The following USH2A variants were observed in gnomAD, a reference collection of about 807,000 sequenced individuals.
USH2A encodes the protein Usher syndrome 2A (autosomal recessive, mild).
Under a neutral mutation model 538.9 loss-of-function variants are expected in USH2A, and 443 were observed. That is an observed-to-expected ratio of 0.82 (90% CI 0.76 to 0.89). The LOEUF (loss-of-function observed/expected upper bound fraction) is 0.89. USH2A is among the 40% of genes least tolerant of loss of function. USH2A has a pLI of 0.00. For synonymous variants in USH2A, 2,413 were observed against 2,273.5 expected, an observed-to-expected ratio of 1.06 and a Z score of -1.75; for missense variants, 6,633 against 6,324.8, an observed-to-expected ratio of 1.05 and a Z score of -1.65.
chr1:215,742,401 A>T (rs954423549), intron 59 of USH2A, among the ~76,000 whole-genome samples: 2 of 152,064 alleles, frequency 1.3e-5, no homozygotes, highest in Admixed American at 6.6e-5. Flanking sequence ...ATTATACGTT[A>T]TATAACATAT....
intron 67 of USH2A, among the ~76,000 whole-genome samples, 174 bp from the exon 68 acceptor site, chr1:215,640,908 G>A (rs868461290): frequency 2.8e-5 from 4 of 144,130 alleles, no homozygotes; most frequent in Middle Eastern, 3.9e-3. Flanking sequence ...TCAGTATTAC[G>A]AAACAACCAG....
At chr1:216,068,233 T>C (rs764549579) in intron 30 of USH2A, among the ~76,000 whole-genome samples, 1 of 152,184 alleles carries the variant, frequency 6.6e-6, no homozygotes, top group Non-Finnish European at 1.5e-5. Flanking sequence ...TGAGCTTAGA[T>C]ACTTCATGCT....
Position 215,865,320 on chromosome 1 carries a change from C to G in USH2A, c.8845+1687G>C, listed in dbSNP as rs76049009. Among the ~76,000 whole-genome samples, 602 of 152,268 alleles carry G rather than the reference C, an allele frequency of 4.0e-3. 4 individuals carry two copies. Among genetic ancestry groups the G allele is most frequent in the African/African-American group, 0.014 (571 of 41,540 alleles). On this transcript the variant is annotated intron_variant, in intron 44 of 71. Coordinates refer to ENST00000307340, the MANE Select transcript of USH2A (RefSeq NM_206933.4). ...AACAGCAGATTGCATTACCTACATC[C>G]CGAAGGTCAGAGGTTCAGATTACCA...
At chr1:215,802,172 C>T (rs570169567) in intron 49 of USH2A, among the ~76,000 whole-genome samples, 52 of 151,708 alleles carry the variant, frequency 3.4e-4, no homozygotes, top group Middle Eastern at 3.4e-3. Flanking sequence ...AATTCTTAGA[C>T]GAAAGCAAAG....
intron 4 of USH2A, among the ~76,000 whole-genome samples, chr1:216,327,906 G>A (rs1338088110): frequency 2.6e-5 from 4 of 151,966 alleles, no homozygotes; most frequent in Admixed American, 6.6e-5. Flanking sequence ...TTTACTGATC[G>A]AACTCATGGC....
chr1:216,085,024 C>G (rs2032084518), intron 24 of USH2A, 147 bp from the exon 25 acceptor site: 1 of 724,172 alleles, frequency 1.4e-6, no homozygotes. Flanking sequence ...ATGTAAACAC[C>G]ACACCATCAG....
At chr1:215,858,901 T>G (rs1434612367) in intron 44 of USH2A, among the ~76,000 whole-genome samples, 4 of 152,144 alleles carry the variant, frequency 2.6e-5, no homozygotes, top group Non-Finnish European at 5.9e-5. Flanking sequence ...CAACAGAAAC[T>G]TATTTCTCAC....
chr1:216,037,433 C>T (rs948450920), intron 32 of USH2A, among the ~76,000 whole-genome samples: 3 of 152,120 alleles, frequency 2.0e-5, no homozygotes, highest in African/African-American at 7.2e-5. Context: ...ATGACCTTTG[C>T]TCTTGACTGG....
chr1:216,355,785 C>T (rs1302570466), intron 4 of USH2A, among the ~76,000 whole-genome samples: 1 of 152,058 alleles, frequency 6.6e-6, no homozygotes, highest in Non-Finnish European at 1.5e-5. Context: ...CTAAACTGGA[C>T]TTTTTTTCTC....
At chr1:215,704,044 C>T (rs1055727441) in intron 61 of USH2A, among the ~76,000 whole-genome samples, 2 of 152,214 alleles carry the variant, frequency 1.3e-5, no homozygotes, top group Non-Finnish European at 2.9e-5. Context: ...CACAGTCCCT[C>T]AAGGCTTCCT....
At chr1:215,952,942 C>A (rs1190833208) in intron 37 of USH2A, among the ~76,000 whole-genome samples, 1 of 152,144 alleles carries the variant, frequency 6.6e-6, no homozygotes, top group Non-Finnish European at 1.5e-5. Flanking sequence ...AGAGCCAAAT[C>A]ATGAGTGAAA....
intron 21 of USH2A, among the ~76,000 whole-genome samples, chr1:216,148,463 T>A (rs1484096787): frequency 6.6e-6 from 1 of 152,038 alleles, no homozygotes; most frequent in Non-Finnish European, 1.5e-5. Flanking sequence ...CTCTACTCCC[T>A]CCTTGGTGAC....
At position 216,166,498 on chromosome 1, in the gene USH2A, G is replaced by C. The variant is rs996373465; in HGVS notation, c.4627+8754C>G. On this transcript the variant is annotated intron_variant, in intron 21 of 71. Transcript: ENST00000307340. ...TGCCAATAAAAATAATTCGTTTGAA[G>C]AACAGCCTGGAGAAGATTGAAACTG... Among the ~76,000 whole-genome samples the C allele has an allele frequency of 4.6e-5, 7 of 152,260 alleles. No homozygotes were observed. In the East Asian group the frequency reaches 1.4e-3, roughly 29 times the overall value.
intron 32 of USH2A, among the ~76,000 whole-genome samples, chr1:216,010,016 G>A (rs1668518828): frequency 2.0e-5 from 3 of 152,106 alleles, no homozygotes; most frequent in African/African-American, 4.8e-5. Context: ...TCAAAAGGCT[G>A]TCTTATACTC....
chr1:216,184,504 C>G (rs2034558244), intron 20 of USH2A, among the ~76,000 whole-genome samples: 1 of 151,806 alleles, frequency 6.6e-6, no homozygotes, highest in Non-Finnish European at 1.5e-5. Flanking sequence ...TCCTTTTTAG[C>G]ATGGAGCAGA....
intron 18 of USH2A, among the ~76,000 whole-genome samples, chr1:216,197,458 C>G (rs1474759478): frequency 6.6e-6 from 1 of 152,102 alleles, no homozygotes; most frequent in Non-Finnish European, 1.5e-5. Context: ...AATGCCATGC[C>G]TCATCACTTG....
chr1:215,639,267 C>A, intron 68 of USH2A, 29 bp from the exon 69 acceptor site: 2 of 1,609,706 alleles, frequency 1.2e-6, no homozygotes, highest in Non-Finnish European at 1.7e-6. Context: ...TGGTAAATGA[C>A]TTGTTCATTC....
In USH2A at chr1:215,680,177, T is replaced by A; in HGVS notation, c.12266A>T (p.Glu4089Val). ...NGRALLLQWS[E>V]PMRTNGVIKT... ...AATCACACCATTGGTTCTCATAGGT[T>A]CTGACCACTGTAGTAGCAATGCCCG... The change falls in exon 62 of 72, where the codon GAA becomes GTA. Residue 4089 changes from glutamate to valine, a missense_variant. Coordinates refer to ENST00000307340, the MANE Select transcript of USH2A (RefSeq NM_206933.4). The A allele has an allele frequency of 6.2e-7, 1 of 1,614,176 alleles. No individual in the cohort carries two copies. Among genetic ancestry groups the A allele is most frequent in the Non-Finnish European group, 8.5e-7 (1 of 1,180,014 alleles).
intron 21 of USH2A, among the ~76,000 whole-genome samples, chr1:216,154,953 G>A (rs558002930): frequency 1.3e-5 from 2 of 151,084 alleles, no homozygotes; most frequent in African/African-American, 4.9e-5. Flanking sequence ...CTGGGGTGGG[G>A]GTGGGTAAGA....
Sources: gnomAD v4.1 joint callset for allele counts (sites outside exome capture counted in the v4.1 genomes callset) on GRCh38, gnomAD v4.1.1 for gene constraint, MANE v1.5 for transcripts, NCBI Gene and HGNC (gene_info 2026-07-23, HGNC 2026-07-21) for gene names.